Variants in THSD4 observed in about 807,000 individuals in gnomAD.
THSD4 encodes thrombospondin type-1 domain-containing protein 4.
A neutral mutation model predicts 119.0 loss-of-function variants in THSD4; 69 were observed. The observed-to-expected ratio is 0.58, with a 90% CI of 0.48 to 0.71. The LOEUF (loss-of-function observed/expected upper bound fraction) is 0.71. Among genes scored for constraint, THSD4 ranks in the 30% least tolerant of loss-of-function variants. The pLI, the probability that THSD4 is intolerant of heterozygous loss-of-function variation, is 0.00. For synonymous variants in THSD4, 524 were observed against 540.4 expected, an observed-to-expected ratio of 0.97 and a Z score of 0.42; for missense variants, 1,393 against 1,391.1, an observed-to-expected ratio of 1.00 and a Z score of -0.02.
intron 6 of THSD4, among the ~76,000 whole-genome samples, chr15:71,377,309 T>C (rs1049762205): frequency 7.2e-5 from 11 of 152,072 alleles, no homozygotes; most frequent in African/African-American, 2.7e-4. Flanking sequence ...GTGGGAATGC[T>C]GAGCAGGTGA....
intron 7 of THSD4, among the ~76,000 whole-genome samples, chr15:71,652,039 G>A (rs925563576): frequency 6.6e-6 from 1 of 152,186 alleles, no homozygotes; most frequent in African/African-American, 2.4e-5. Context: ...GCGCTCAGGA[G>A]GCCCTGTAAA....
intron 6 of THSD4, among the ~76,000 whole-genome samples, chr15:71,289,535 T>C (rs1567182925): frequency 1.3e-5 from 2 of 152,102 alleles, no homozygotes; most frequent in African/African-American, 2.4e-5. Context: ...GGGCCTCCCT[T>C]TTGGGGGTTC....
chr15:71,337,968 T>TC (rs2045510099), intron 6 of THSD4, among the ~76,000 whole-genome samples: 1 of 152,192 alleles, frequency 6.6e-6, no homozygotes, highest in African/African-American at 2.4e-5. Context: ...CCTGGAAGGA[T>TC]TATGAGGATT....
intron 6 of THSD4, among the ~76,000 whole-genome samples, chr15:71,363,544 C>T (rs1269009364): frequency 6.6e-6 from 1 of 152,148 alleles, no homozygotes; most frequent in East Asian, 1.9e-4. Context: ...TCTCAGGCAG[C>T]AGTGGAAAAT....
intron 1 of THSD4, among the ~76,000 whole-genome samples, chr15:71,104,185 T>C (rs1288036404): frequency 6.6e-6 from 1 of 152,148 alleles, no homozygotes; most frequent in African/African-American, 2.4e-5. Flanking sequence ...TTTATATGTA[T>C]GGCATTTATT....
chr15:71,691,316 A>C (rs1335618969), intron 8 of THSD4, among the ~76,000 whole-genome samples: 1 of 152,238 alleles, frequency 6.6e-6, no homozygotes, highest in Non-Finnish European at 1.5e-5. Context: ...TTAAGCCACT[A>C]AGTGAATGGT....
chr15:71,620,788 G>A (rs1456822210), intron 7 of THSD4, among the ~76,000 whole-genome samples: 2 of 152,038 alleles, frequency 1.3e-5, no homozygotes, highest in African/African-American at 2.4e-5. Context: ...TAGACTTATT[G>A]CTCTGGTGAC....
chr15:71,424,004 C>T (rs937300583), intron 7 of THSD4, among the ~76,000 whole-genome samples: 10 of 152,058 alleles, frequency 6.6e-5, no homozygotes, highest in Non-Finnish European at 1.5e-4. Context: ...GCTCTCCCTC[C>T]CAAAAGCGCT....
intron 8 of THSD4, among the ~76,000 whole-genome samples, chr15:71,677,984 A>C (rs887971787): frequency 6.6e-5 from 10 of 152,216 alleles, no homozygotes; most frequent in African/African-American, 2.4e-4. Context: ...ATTGTCTCCT[A>C]GCCCACTCTA....
At chr15:71,668,070 G>A (rs8035928) in intron 8 of THSD4, among the ~76,000 whole-genome samples, 126,897 of 152,006 alleles carry the variant, frequency 0.83, 53,783 homozygotes, top group Non-Finnish European at 0.91. Context: ...ATTCTGTACA[G>A]TGGATGTACC....
At chr15:71,593,865 C>T (rs1030467131) in intron 7 of THSD4, among the ~76,000 whole-genome samples, 2 of 152,008 alleles carry the variant, frequency 1.3e-5, no homozygotes, top group Non-Finnish European at 2.9e-5. Context: ...GATTGCGCCA[C>T]TGCACTCCAG....
intron 14 of THSD4, among the ~76,000 whole-genome samples, chr15:71,748,957 A>C (rs1388116509): frequency 6.6e-6 from 1 of 152,216 alleles, no homozygotes; most frequent in African/African-American, 2.4e-5. Flanking sequence ...AACTCAAAAC[A>C]TCCCACACCC....
intron 7 of THSD4, among the ~76,000 whole-genome samples, chr15:71,424,595 C>T (rs889567129): frequency 2.0e-5 from 3 of 152,096 alleles, no homozygotes; most frequent in Non-Finnish European, 4.4e-5. Context: ...AATATCTGGC[C>T]AGTCTTCAGA....
intron 3 of THSD4, among the ~76,000 whole-genome samples, chr15:71,199,498 GTGTGT>G (rs2043752378): frequency 7.4e-6 from 1 of 134,884 alleles, no homozygotes; most frequent in African/African-American, 2.9e-5. Flanking sequence ...GGTGTGTGTG[GTGTGT>G]GTGTGTGTGT....
chr15:71,182,025 A>G (rs901863322), intron 3 of THSD4, among the ~76,000 whole-genome samples: 2 of 152,234 alleles, frequency 1.3e-5, no homozygotes, highest in Admixed American at 6.5e-5. Flanking sequence ...TAAGCTGGAG[A>G]CACAAGGATA....
rs138977111 is a variant in THSD4, at chr15:71,682,408, A to G, written c.1357+21674A>G. Among the ~76,000 whole-genome samples the G allele has an allele frequency of 2.0e-5, 3 of 152,358 alleles. No individual in the cohort carries two copies. The East Asian group carries it at 5.8e-4, about 29-fold the overall frequency. Reference sequence around the variant, plus strand: ...TACTCAGATGAAGAAATAGAACTTGATCAGCTCCCAGAAGCCCCTTCCAGT... The same window carrying G: ...TACTCAGATGAAGAAATAGAACTTGGTCAGCTCCCAGAAGCCCCTTCCAGT... On this transcript the variant is annotated intron_variant, in intron 8 of 17. Coordinates refer to ENST00000261862, the MANE Select transcript of THSD4 (RefSeq NM_024817.3).
chr15:71,756,752 A>G (rs889202445), intron 14 of THSD4, among the ~76,000 whole-genome samples: 5 of 152,178 alleles, frequency 3.3e-5, no homozygotes, highest in East Asian at 1.9e-4. Context: ...GGGTGATGCA[A>G]TCCTATCTGG....
At chr15:71,152,677 G>A (rs575486412) in intron 2 of THSD4, among the ~76,000 whole-genome samples, 2 of 152,112 alleles carry the variant, frequency 1.3e-5, no homozygotes, top group African/African-American at 4.8e-5. Flanking sequence ...CGTTCCCAGC[G>A]GGACTGGTGT....
chr15:71,722,167 G>A (rs1467926667), intron 8 of THSD4, among the ~76,000 whole-genome samples: 1 of 152,166 alleles, frequency 6.6e-6, no homozygotes, highest in Non-Finnish European at 1.5e-5. Context: ...CCTAGCCCTG[G>A]AACTGCTTGC....
Sources: allele counts gnomAD v4.1 joint callset (sites outside exome capture counted in the v4.1 genomes callset), GRCh38; gene constraint gnomAD v4.1.1; transcripts MANE v1.5; gene names NCBI Gene and HGNC (gene_info 2026-07-23, HGNC 2026-07-21).